SUCLG2: variants seen among roughly 807,000 people sequenced by gnomAD.
SUCLG2 encodes the protein succinate-CoA ligase GDP-forming subunit beta.
A neutral mutation model predicts 47.9 loss-of-function variants in SUCLG2; 42 were observed. The ratio of observed to expected loss-of-function variants is 0.88; its 90% CI spans 0.69 to 1.14. The LOEUF (loss-of-function observed/expected upper bound fraction) is 1.14, where lower values mean the gene tolerates loss of function less well. Among genes scored for constraint, SUCLG2 ranks in the 50% most tolerant of loss-of-function variants. The pLI is 0.00. For synonymous variants in SUCLG2, 195 were observed against 197.3 expected (o/e 0.99, Z 0.10); for missense variants, 571 against 525.9 (o/e 1.09, Z -0.84).
intron 2 of SUCLG2, among the ~76,000 whole-genome samples, chr3:67,554,174 G>A (rs1312136204): frequency 1.3e-5 from 2 of 152,284 alleles, no homozygotes; most frequent in Admixed American, 6.5e-5. Flanking sequence ...CCCATACAGA[G>A]TGATCTCAAA....
chr3:67,629,023 C>T (rs1700882888), intron 1 of SUCLG2, among the ~76,000 whole-genome samples: 1 of 152,118 alleles, frequency 6.6e-6, no homozygotes, highest in South Asian at 2.1e-4. Context: ...TTCAGCATGC[C>T]TTCACATTTC....
chr3:67,549,256 T>G (rs938588099), intron 2 of SUCLG2, among the ~76,000 whole-genome samples: 8 of 152,158 alleles, frequency 5.3e-5, no homozygotes, highest in African/African-American at 1.9e-4. Flanking sequence ...AGACTGATAC[T>G]TAAGCAATGA....
At chr3:67,630,417 G>A (rs1440436769) in intron 1 of SUCLG2, among the ~76,000 whole-genome samples, 1 of 152,016 alleles carries the variant, frequency 6.6e-6, no homozygotes. Flanking sequence ...GAAAACAACT[G>A]GAATAAAAAG....
At chr3:67,498,598 G>C (rs993815002) in intron 7 of SUCLG2, among the ~76,000 whole-genome samples, 3 of 152,124 alleles carry the variant, frequency 2.0e-5, no homozygotes, top group African/African-American at 7.2e-5. Context: ...CAGCTTCATA[G>C]ATACAGCTTT....
intron 5 of SUCLG2, among the ~76,000 whole-genome samples, chr3:67,519,355 T>G (rs1004641016): frequency 6.6e-6 from 1 of 152,212 alleles, no homozygotes; most frequent in Admixed American, 6.5e-5. Flanking sequence ...ATCTTACTTG[T>G]TTTTATGAAA....
downstream of SUCLG2, among the ~76,000 whole-genome samples, chr3:67,374,253 C>A (rs1374239195): frequency 6.6e-6 from 1 of 152,178 alleles, no homozygotes; most frequent in Non-Finnish European, 1.5e-5. Context: ...GTTTATTTCT[C>A]CATGGCAAAC....
chr3:67,491,361 C>CTTTTTTTTTTTTTT (rs549763218), intron 9 of SUCLG2, among the ~76,000 whole-genome samples: 1 of 125,854 alleles, frequency 7.9e-6, no homozygotes, highest in African/African-American at 3.1e-5. Context: ...TTTTCTTTTA[C>CTTTTTTTTTTTTTT]TTTTTTTTTT....
chr3:67,594,986 C>A (rs940115078), intron 2 of SUCLG2, among the ~76,000 whole-genome samples: 1 of 152,076 alleles, frequency 6.6e-6, no homozygotes, highest in Non-Finnish European at 1.5e-5. Context: ...AACGATACCC[C>A]CTCCCCACCA....
At chr3:67,406,890 G>C (rs1052373391) in intron 9 of SUCLG2, among the ~76,000 whole-genome samples, 5 of 152,124 alleles carry the variant, frequency 3.3e-5, no homozygotes, top group Non-Finnish European at 7.4e-5. Context: ...CTGAGTCTCA[G>C]AAAATTTAGG....
chr3:67,503,692 A>G (rs1003011702), intron 7 of SUCLG2, among the ~76,000 whole-genome samples: 3 of 152,264 alleles, frequency 2.0e-5, no homozygotes, highest in Non-Finnish European at 4.4e-5. Flanking sequence ...GGTGAAAGAA[A>G]CATACCTATT....
chr3:67,461,218 C>T (rs566351031), intron 9 of SUCLG2, among the ~76,000 whole-genome samples: 3 of 152,118 alleles, frequency 2.0e-5, no homozygotes, highest in Admixed American at 6.6e-5. Context: ...TAACAATTTA[C>T]CCACAGCATG....
intron 2 of SUCLG2, among the ~76,000 whole-genome samples, chr3:67,553,132 C>A (rs112714717): frequency 6.6e-6 from 1 of 152,184 alleles, no homozygotes; most frequent in Non-Finnish European, 1.5e-5. Flanking sequence ...CCCAGGGCAT[C>A]GAGATCAGGT....
intron 2 of SUCLG2, among the ~76,000 whole-genome samples, chr3:67,535,194 C>T (rs1016761555): frequency 2.1e-4 from 31 of 150,332 alleles, no homozygotes; most frequent in African/African-American, 6.9e-4. Context: ...GATTTTCAAA[C>T]GAAAGATGTG....
intron 1 of SUCLG2, among the ~76,000 whole-genome samples, chr3:67,637,749 C>T (rs1284493451): frequency 6.6e-6 from 1 of 152,164 alleles, no homozygotes; most frequent in Non-Finnish European, 1.5e-5. Context: ...AGAGAGATGA[C>T]TTGCCCAAGG....
rs184130834 is a variant in SUCLG2, at chr3:67,628,386, G to A, written c.85-18790C>T. On this transcript the variant is annotated intron_variant, in intron 1 of 10. Coordinates refer to ENST00000307227, the MANE Select transcript of SUCLG2 (RefSeq NM_003848.4). Reference sequence around the variant, plus strand: ...ATTTACCCCTATATGCAATTGTAAGGAATATTTTGATACACTATTTGGGAT... The same window carrying A: ...ATTTACCCCTATATGCAATTGTAAGAAATATTTTGATACACTATTTGGGAT... Among the ~76,000 whole-genome samples, 635 of 152,310 alleles carry A rather than the reference G, an allele frequency of 4.2e-3. 9 individuals carry two copies. Among genetic ancestry groups the A allele is most frequent in the African/African-American group, 0.014 (590 of 41,562 alleles).
chr3:67,506,985 T>C (rs941824678), intron 7 of SUCLG2, among the ~76,000 whole-genome samples: 9 of 152,202 alleles, frequency 5.9e-5, no homozygotes, highest in Non-Finnish European at 1.5e-5. Flanking sequence ...TCCCAGCTTT[T>C]GTAACTTCTG....
At chr3:67,555,250 T>C (rs1651570391) in intron 2 of SUCLG2, among the ~76,000 whole-genome samples, 1 of 152,188 alleles carries the variant, frequency 6.6e-6, no homozygotes, top group Admixed American at 6.5e-5. Flanking sequence ...AAACCCAATA[T>C]TTTTGGTAAC....
At chr3:67,386,989 C>G (rs1702274488) in intron 10 of SUCLG2, among the ~76,000 whole-genome samples, 1 of 152,156 alleles carries the variant, frequency 6.6e-6, no homozygotes, top group Non-Finnish European at 1.5e-5. Context: ...CTTTGTATCT[C>G]TTTCTTCTTC....
intron 10 of SUCLG2, among the ~76,000 whole-genome samples, chr3:67,395,575 G>A (rs1249318695): frequency 6.6e-6 from 1 of 152,218 alleles, no homozygotes; most frequent in Non-Finnish European, 1.5e-5. Flanking sequence ...AATAATGGGA[G>A]ACTTTAACAC....
Sources: gnomAD v4.1 joint callset for allele counts (sites outside exome capture counted in the v4.1 genomes callset) on GRCh38, gnomAD v4.1.1 for gene constraint, MANE v1.5 for transcripts, NCBI Gene and HGNC (gene_info 2026-07-23, HGNC 2026-07-21) for gene names.